The following KARS1 variants were observed in gnomAD, a reference collection of about 807,000 sequenced individuals.
KARS1 encodes the protein lysine--tRNA ligase.
KARS1 carries 50 observed loss-of-function variants against 63.9 expected under a neutral mutation model. That is an observed-to-expected ratio of 0.78 (90% CI 0.62 to 0.99). KARS1 has a LOEUF of 0.99. Ranked by LOEUF, KARS1 falls within the 50% of genes least tolerant of loss-of-function variation. KARS1 has a pLI of 0.00. For synonymous variants in KARS1, 320 were observed against 264.6 expected, an observed-to-expected ratio of 1.21 and a Z score of -2.03; for missense variants, 816 against 754.5, an observed-to-expected ratio of 1.08 and a Z score of -0.95.
chr16:75,631,369 A>G (rs1174293155), intron 9 of KARS1, 47 bp downstream of exon 9: 1 of 1,603,284 alleles, frequency 6.2e-7, no homozygotes, highest in Non-Finnish European at 8.5e-7. Context: ...TCAGAGCTGA[A>G]CAGGAAGGAG....
chr16:75,643,119 T>C (rs1211238203), intron 1 of KARS1, among the ~76,000 whole-genome samples: 2 of 152,230 alleles, frequency 1.3e-5, no homozygotes. Context: ...GATATGTTCA[T>C]GTCTCTTATA....
intron 9 of KARS1, 65 bp downstream of exon 9, chr16:75,631,351 A>T (rs2082110935): frequency 1.3e-6 from 2 of 1,583,286 alleles, no homozygotes; most frequent in African/African-American, 2.7e-5. Flanking sequence ...GCTCTGACCC[A>T]ATCAAATTCA....
intron 3 of KARS1, among the ~76,000 whole-genome samples, chr16:75,637,950 A>G (rs1236998348): frequency 6.6e-6 from 1 of 151,720 alleles, no homozygotes; most frequent in South Asian, 2.1e-4. Context: ...AGAAGAAGAG[A>G]ACCAGGAAAT....
Position 75,640,352 on chromosome 16 carries a change from GT to G in KARS1, c.223-4del. On this transcript the variant is annotated splice_polypyrimidine_tract_variant and splice_region_variant and intron_variant, in intron 2 of 13. Transcript: ENST00000302445. ...TGACTGCGGATTTTGTAGTATTGCTGTTAAAAAAAAAAAAAAAAAAGCCCTT... is the reference window on the plus strand; with the variant it reads ...TGACTGCGGATTTTGTAGTATTGCTGTAAAAAAAAAAAAAAAAAAGCCCTT... 7.4e-7 allele frequency: 1 copy of G among 1,358,246 alleles called. No homozygotes were observed. The highest frequency in any genetic ancestry group is 1.7e-5 in the African/African-American group (1 of 58,486). The allele number at this position is 1,358,246 out of a possible 1,614,324, so 84.1% of individuals were successfully genotyped here.
chr16:75,646,377 C>T (rs1389982972), intron 1 of KARS1, among the ~76,000 whole-genome samples: 1 of 151,852 alleles, frequency 6.6e-6, no homozygotes, highest in Non-Finnish European at 1.5e-5. Flanking sequence ...CCTGTCTCTA[C>T]TAAAAATACA....
At chr16:75,632,391 C>T (rs1305644706) in intron 7 of KARS1, among the ~76,000 whole-genome samples, 1 of 152,146 alleles carries the variant, frequency 6.6e-6, no homozygotes, top group Non-Finnish European at 1.5e-5. Flanking sequence ...TCTTGGGCAT[C>T]CCCCATCATT....
intron 3 of KARS1, among the ~76,000 whole-genome samples, chr16:75,639,443 G>A (rs913804830): frequency 2.0e-5 from 3 of 151,890 alleles, no homozygotes; most frequent in African/African-American, 7.3e-5. Context: ...GTGGTGGCAG[G>A]TGCCTGTAAT....
intron 1 of KARS1, among the ~76,000 whole-genome samples, chr16:75,643,410 C>T (rs2082246142): frequency 6.7e-6 from 1 of 149,626 alleles, no homozygotes; most frequent in East Asian, 2.0e-4. Flanking sequence ...CAGAGTCTCG[C>T]TGTGTTGCCC....
intron 3 of KARS1, among the ~76,000 whole-genome samples, chr16:75,639,291 G>T (rs895250092): frequency 2.6e-5 from 4 of 152,002 alleles, no homozygotes; most frequent in African/African-American, 9.7e-5. Flanking sequence ...TATTTTAGTG[G>T]CAGGGTGTGG....
At chr16:75,630,538 A>T in intron 10 of KARS1, 30 bp from the exon 11 acceptor site, 1 of 1,400,970 alleles carries the variant, frequency 7.1e-7, no homozygotes, top group Non-Finnish European at 1.0e-6. Flanking sequence ...AGAGTCAGTC[A>T]CCATTTCTGA....
At position 75,636,494 on chromosome 16, in the gene KARS1, G is replaced by T. The variant is rs1222548617; in HGVS notation, c.442C>A (p.Arg148=). 1.2e-6 allele frequency: 2 copies of T among 1,613,368 alleles called. No individual in the cohort carries two copies. Among genetic ancestry groups the T allele is most frequent in the East Asian group, 2.2e-5 (1 of 44,890 alleles). The change falls in exon 4 of 14, where the codon CGA becomes AGA. Residue 148 remains arginine (R), a synonymous_variant. Coordinates refer to ENST00000302445, the MANE Select transcript of KARS1 (RefSeq NM_005548.3). ...SGGKLIFYDL[R]GEGVKLQVMA... ...ACTTGCAACTTCACCCCCTCTCCTC[G>T]AAGATCATAGAAGATGAGCTTTCCC...
chr16:75,631,858 A>AACAACAACACATGGCCACGGTCC lies in KARS1; in HGVS notation c.916-4_916-3insGGACCGTGGCCATGTGTTGTTGT. 6.2e-7 allele frequency: 1 copy of AACAACAACACATGGCCACGGTCC among 1,613,802 alleles called. No homozygotes were observed. Among genetic ancestry groups the AACAACAACACATGGCCACGGTCC allele is most frequent in the Non-Finnish European group, 8.5e-7 (1 of 1,180,002 alleles). ...TCGATGCCACCAACCACAAGCATCT[A>AACAACAACACATGGCCACGGTCC]ACAACAACACATGGCCACGGTCATG... is the stretch of plus-strand genomic sequence containing the variant. On this transcript the variant is annotated splice_region_variant and splice_polypyrimidine_tract_variant and intron_variant, in intron 7 of 13. Transcript: ENST00000302445.
At chr16:75,637,552 G>A (rs1050450564) in intron 3 of KARS1, among the ~76,000 whole-genome samples, 13 of 152,038 alleles carry the variant, frequency 8.6e-5, no homozygotes, top group African/African-American at 3.1e-4. Context: ...GAGGCAGGCA[G>A]ATCACGTAAG....
chr16:75,647,623 G>A lies in KARS1; in HGVS notation c.17C>T (p.Ala6Val), dbSNP rs756659122. Residue 6 changes from alanine to valine, a missense_variant, in exon 1 of 14, where the codon GCG (alanine) becomes GTG (valine). Ala to Val is a moderately conservative substitution (Grantham distance 64). Transcript: ENST00000302445. ...GCTGCCATCCACTTTCACCTCGGCCGCCTGCACGGCCGCCATCTTCCCGGA... is the reference window on the plus strand; with the variant it reads ...GCTGCCATCCACTTTCACCTCGGCCACCTGCACGGCCGCCATCTTCCCGGA... The part of the protein sequence containing the change: MAAVQ[A>V]AEVKVDGSEP... The A allele has an allele frequency of 3.9e-5, 63 of 1,613,600 alleles. No homozygotes were observed. Among genetic ancestry groups the A allele is most frequent in the Non-Finnish European group, 5.2e-5 (61 of 1,179,888 alleles).
Position 75,645,691 on chromosome 16 carries a change from C to G in KARS1, c.62+1887G>C, listed in dbSNP as rs915717213. On this transcript the variant is annotated intron_variant, in intron 1 of 13. Coordinates refer to ENST00000302445, the MANE Select transcript of KARS1 (RefSeq NM_005548.3). ...GTCAAATCCCGTCTCTACTAAAACA[C>G]AAAAATTTAACCGGGTGTTGTGGCA... Among the ~76,000 whole-genome samples the G allele has an allele frequency of 9.2e-5, 14 of 151,922 alleles. 1 individual carries two copies. The highest frequency in any genetic ancestry group is 3.4e-4 in the African/African-American group (14 of 41,358).
Position 75,636,146 on chromosome 16 carries a change from C to T in KARS1, c.483-48G>A, listed in dbSNP as rs748239721. ...TCAGTAACAACAATTCAAATGAACA[C>T]TGACCACTGGTCTCCTCTGGAACCC... On this transcript the variant is annotated intron_variant, in intron 4 of 13. Coordinates refer to ENST00000302445, the MANE Select transcript of KARS1 (RefSeq NM_005548.3). 30 of 1,167,552 alleles carry T rather than the reference C, an allele frequency of 2.6e-5. No individual in the cohort carries two copies. In the African/African-American group the frequency reaches 3.5e-4, roughly 14 times the overall value. 72.3% of individuals were successfully genotyped at this position (1,167,552 alleles called of 1,614,324 possible). A position where few individuals can be genotyped will look rare whatever the true frequency, so the allele number is the denominator to read the frequency against.
chr16:75,628,742 CCTT>C lies in KARS1; in HGVS notation c.1552-33_1552-31del. ...AAGAGGAAAGAGAACCAAAAGGTGA[CCTT>C]CTTCTAAGATATCTCAGTGTGTGAG... is the stretch of plus-strand genomic sequence containing the variant. On this transcript the variant is annotated intron_variant, in intron 12 of 13. Coordinates refer to ENST00000302445, the MANE Select transcript of KARS1 (RefSeq NM_005548.3). The C allele has an allele frequency of 1.9e-6, 3 of 1,613,654 alleles. No individual in the cohort carries two copies. The Admixed American group carries it at 5.0e-5, about 27-fold the overall frequency.
chr16:75,637,533 T>C (rs1285582778), intron 3 of KARS1, among the ~76,000 whole-genome samples: 1 of 151,874 alleles, frequency 6.6e-6, no homozygotes, highest in East Asian at 1.9e-4. Flanking sequence ...CCCAGGACTT[T>C]GGGAGGCCGA....
chr16:75,637,558 G>C (rs562344180), intron 3 of KARS1, among the ~76,000 whole-genome samples: 1 of 151,896 alleles, frequency 6.6e-6, no homozygotes, highest in Non-Finnish European at 1.5e-5. Context: ...GGCAGATCAC[G>C]TAAGGCTGGG....
Sources: gnomAD v4.1 joint callset for allele counts (sites outside exome capture counted in the v4.1 genomes callset) on GRCh38, gnomAD v4.1.1 for gene constraint, MANE v1.5 for transcripts, NCBI Gene and HGNC (gene_info 2026-07-23, HGNC 2026-07-21) for gene names.